SVOP: variants seen among roughly 807,000 people sequenced by gnomAD.
SVOP encodes SV2 related protein.
Under a neutral mutation model 69.1 loss-of-function variants are expected in SVOP, and 17 were observed. The observed-to-expected ratio is 0.25, with a 90% CI of 0.17 to 0.37. SVOP has a LOEUF of 0.37. SVOP is among the 10% of genes least tolerant of loss of function. The pLI is 1.00. For synonymous variants in SVOP, 238 were observed against 238.6 expected, an observed-to-expected ratio of 1.00 and a Z score of 0.02; for missense variants, 435 against 597.5, an observed-to-expected ratio of 0.73 and a Z score of 2.84.
intron 1 of SVOP, among the ~76,000 whole-genome samples, chr12:108,994,013 G>A (rs978517204): frequency 2.0e-5 from 3 of 152,212 alleles, no homozygotes; most frequent in African/African-American, 4.8e-5. Context: ...TCACATCTTC[G>A]CCGCAAGGAC....
At chr12:109,011,470 C>A (rs1423238225) in intron 1 of SVOP, among the ~76,000 whole-genome samples, 1 of 152,158 alleles carries the variant, frequency 6.6e-6, no homozygotes, top group African/African-American at 2.4e-5. Flanking sequence ...TCCTCCCCCT[C>A]CTTTGGCCCC....
chr12:109,019,223 A>C (rs921788778), intron 1 of SVOP, among the ~76,000 whole-genome samples: 1 of 152,178 alleles, frequency 6.6e-6, no homozygotes, highest in African/African-American at 2.4e-5. Context: ...TTATTGGTAC[A>C]TTGTATTATA....
intron 1 of SVOP, among the ~76,000 whole-genome samples, chr12:109,012,652 G>GT (rs2040348463): frequency 6.6e-6 from 1 of 152,162 alleles, no homozygotes; most frequent in African/African-American, 2.4e-5. Flanking sequence ...ATACGGCCAG[G>GT]TATGGTGGTT....
chr12:108,987,591 T>A (rs2040172923), intron 1 of SVOP, among the ~76,000 whole-genome samples: 1 of 152,212 alleles, frequency 6.6e-6, no homozygotes, highest in South Asian at 2.1e-4. Context: ...TTTCTCCACA[T>A]CCTTGCCAAT....
At chr12:108,932,956 G>A (rs1440743813) in intron 11 of SVOP, among the ~76,000 whole-genome samples, 1 of 151,988 alleles carries the variant, frequency 6.6e-6, no homozygotes, top group African/African-American at 2.4e-5. Flanking sequence ...TCTGCTCACT[G>A]CAACCCCCAC....
rs1198275194 is a variant in SVOP at position 108,912,680 on chromosome 12, G to T, written c.1502C>A (p.Ala501Asp). The change falls in exon 16 of 16, where the codon GCT becomes GAT. Residue 501 changes from alanine (A) to aspartate (D), a missense_variant. Ala to Asp is a moderately radical substitution (Grantham distance 126). Coordinates refer to ENST00000610966, the MANE Select transcript of SVOP (RefSeq NM_018711.5). ...LAVYSGCCLLAALASCFLPIE... is the reference protein window; with the variant it reads ...LAVYSGCCLLDALASCFLPIE... ...GGGCAAAAAGCAGGAGGCCAGGGCA[G>T]CCAGGAGGCAGCAGCCACTGTAAAC... 1 of 1,613,958 alleles carries T rather than the reference G, an allele frequency of 6.2e-7. No individual in the cohort carries two copies. The highest frequency in any genetic ancestry group is 8.5e-7 in the Non-Finnish European group (1 of 1,179,896).
intron 15 of SVOP, among the ~76,000 whole-genome samples, chr12:108,915,167 C>T (rs963147264): frequency 1.1e-4 from 13 of 119,288 alleles, no homozygotes; most frequent in East Asian, 8.1e-4. Context: ...AGCGAGACTC[C>T]ATCCCAAAAA....
chr12:108,997,020 G>A (rs576825225), intron 1 of SVOP, among the ~76,000 whole-genome samples: 5 of 152,222 alleles, frequency 3.3e-5, no homozygotes, highest in South Asian at 2.1e-4. Context: ...CACAGAAGAC[G>A]GGTGATTTCT....
chr12:108,934,639 T>C (rs1414420215), intron 10 of SVOP, among the ~76,000 whole-genome samples: 1 of 152,064 alleles, frequency 6.6e-6, no homozygotes, highest in African/African-American at 2.4e-5. Flanking sequence ...AAGATACAGA[T>C]CATAAAGACC....
At chr12:108,949,880 C>A (rs2039944935) in intron 6 of SVOP, among the ~76,000 whole-genome samples, 1 of 152,122 alleles carries the variant, frequency 6.6e-6, no homozygotes, top group Non-Finnish European at 1.5e-5. Context: ...GCCAGAAGTG[C>A]CGAAGAATTT....
In SVOP at chr12:108,908,744, A is replaced by G. The variant is rs1282743326; in HGVS notation, c.*3791T>C. On this transcript the variant is annotated 3_prime_UTR_variant, in exon 16 of 16. Transcript: ENST00000610966. ...TGAGAGCTCTGTGGCCTACACATCC[A>G]CGGCAGGCTCCTTGCAACCATCGCC... The G allele has an allele frequency of 6.6e-6, 1 of 152,212 alleles. No individual in the cohort carries two copies. The highest frequency in any genetic ancestry group is 1.5e-5 in the Non-Finnish European group (1 of 68,058). 9.4% of individuals were successfully genotyped at this position (152,212 alleles called of 1,614,324 possible).
chr12:108,924,177 A>C (rs570250699), intron 11 of SVOP, among the ~76,000 whole-genome samples: 1 of 152,274 alleles, frequency 6.6e-6, no homozygotes, highest in African/African-American at 2.4e-5. Flanking sequence ...TGCTGTCTAT[A>C]AAGCAGAGAG....
intron 1 of SVOP, among the ~76,000 whole-genome samples, chr12:109,008,573 A>G (rs891508615): frequency 2.0e-5 from 3 of 152,210 alleles, no homozygotes; most frequent in Non-Finnish European, 4.4e-5. Context: ...TATCCTGGAC[A>G]AAAGGTAATG....
intron 1 of SVOP, among the ~76,000 whole-genome samples, chr12:108,988,626 A>C (rs1452483516): frequency 6.6e-6 from 1 of 152,126 alleles, no homozygotes; most frequent in Non-Finnish European, 1.5e-5. Flanking sequence ...AGTAGTAGTA[A>C]GTTTTGAAAT....
intron 1 of SVOP, among the ~76,000 whole-genome samples, chr12:109,014,158 G>A (rs923422631): frequency 3.3e-5 from 5 of 151,728 alleles, no homozygotes; most frequent in African/African-American, 1.2e-4. Context: ...TGGGATTACA[G>A]GTGCATGCCA....
At chr12:108,951,519 A>C (rs1347139374) in intron 6 of SVOP, among the ~76,000 whole-genome samples, 1 of 152,220 alleles carries the variant, frequency 6.6e-6, no homozygotes, top group East Asian at 1.9e-4. Flanking sequence ...GCTTGAATTA[A>C]AGTCTATTCC....
chr12:108,937,512 C>T (rs2039863621), intron 9 of SVOP, among the ~76,000 whole-genome samples, 175 bp from the exon 10 acceptor site: 1 of 152,176 alleles, frequency 6.6e-6, no homozygotes, highest in Admixed American at 6.5e-5. Flanking sequence ...CCAGCCCCTC[C>T]AGCCAGAACC....
intron 6 of SVOP, among the ~76,000 whole-genome samples, chr12:108,950,058 A>G (rs2039945680): frequency 6.6e-6 from 1 of 152,052 alleles, no homozygotes; most frequent in Admixed American, 6.6e-5. Context: ...TAATAGAGGT[A>G]GATCTACAGC....
chr12:108,967,164 C>T (rs370632601), intron 5 of SVOP, among the ~76,000 whole-genome samples: 1 of 152,132 alleles, frequency 6.6e-6, no homozygotes, highest in East Asian at 1.9e-4. Flanking sequence ...AATGACACTG[C>T]ATTATTTCAC....
Sources: gnomAD v4.1 joint callset for allele counts (sites outside exome capture counted in the v4.1 genomes callset) on GRCh38, gnomAD v4.1.1 for gene constraint, MANE v1.5 for transcripts, NCBI Gene and HGNC (gene_info 2026-07-23, HGNC 2026-07-21) for gene names.